The following EIF4G3 variants were observed in gnomAD, a reference collection of about 807,000 sequenced individuals.
EIF4G3 encodes eIF-4-gamma 3.
Under a neutral mutation model 186.4 loss-of-function variants are expected in EIF4G3, and 34 were observed. That is an observed-to-expected ratio of 0.18 (90% CI 0.14 to 0.24). The LOEUF (loss-of-function observed/expected upper bound fraction) is 0.24, where lower values mean the gene tolerates loss of function less well. Ranked by LOEUF, EIF4G3 falls within the 10% of genes least tolerant of loss-of-function variation. EIF4G3 has a pLI of 1.00. For missense variants in EIF4G3, 1,536 were observed against 1,948.5 expected (o/e 0.79, Z 3.99); for synonymous variants, 673 against 679.5 (o/e 0.99, Z 0.15).
chr1:20,883,422 T>C lies in EIF4G3; in HGVS notation c.2424+2779A>G, dbSNP rs1034028383. Among the ~76,000 whole-genome samples the C allele has an allele frequency of 5.3e-5, 8 of 151,808 alleles. No homozygotes were observed. In the South Asian group the frequency reaches 1.2e-3, roughly 24 times the overall value. On this transcript the variant is annotated intron_variant, in intron 19 of 36. Transcript: ENST00000602326. ...TCACGAGTTCAGGAGATAGAGACCA[T>C]CCTGGCTTACACGGTGAAACCTGGT...
At chr1:21,060,702 C>T (rs1005926185) in intron 3 of EIF4G3, among the ~76,000 whole-genome samples, 13 of 147,652 alleles carry the variant, frequency 8.8e-5, no homozygotes, top group African/African-American at 2.7e-4. Flanking sequence ...AACAGTTCGG[C>T]GCTGTAAGGC....
intron 33 of EIF4G3, among the ~76,000 whole-genome samples, chr1:20,818,117 G>A (rs2061506901): frequency 6.6e-6 from 1 of 152,044 alleles, no homozygotes; most frequent in Non-Finnish European, 1.5e-5. Context: ...ATAATCTTGA[G>A]CTTCAATCTT....
At chr1:20,853,734 A>G in intron 26 of EIF4G3, 57 bp from the exon 27 acceptor site, 1 of 1,314,238 alleles carries the variant, frequency 7.6e-7, no homozygotes, top group Non-Finnish European at 1.1e-6. Context: ...AATGCAAATA[A>G]TCAGTCATCT....
intron 2 of EIF4G3, among the ~76,000 whole-genome samples, chr1:21,118,191 T>C (rs1418235062): frequency 6.6e-6 from 1 of 152,198 alleles, no homozygotes; most frequent in African/African-American, 2.4e-5. Flanking sequence ...TAACAGTTCA[T>C]TGTCTCACTA....
rs540049329 is a variant in EIF4G3 at position 20,810,764 on chromosome 1, G to A, written c.4718C>T (p.Ser1573Leu). 2 of 1,613,812 alleles carry A rather than the reference G, an allele frequency of 1.2e-6. No individual in the cohort carries two copies. Among genetic ancestry groups the A allele is most frequent in the South Asian group, 1.1e-5 (1 of 91,072 alleles). ...ELQALYALQA[S>L]IVKLDQPANL... ...GGCAGGTTGATCAAGTTTTACTATC[G>A]ATGCTTGTAGTGCATAAAGTGCTTG... The change falls in exon 36 of 37, where the codon TCG (serine) becomes TTG (leucine). Residue 1573 changes from serine to leucine, a missense_variant. This residue lies in a region of EIF4G3 where 45 missense variants were observed against 99.1 expected (regional missense o/e 0.45). Transcript: ENST00000602326. The surrounding 1 kb of genome is among the most constrained non-coding windows in gnomAD (Gnocchi z 4.1).
In EIF4G3 at chr1:21,002,723, G is replaced by A; in HGVS notation, c.20C>T (p.Thr7Ile). Residue 7 changes from threonine (T) to isoleucine (I), a missense_variant, in exon 5 of 37, where the codon ACC becomes ATC. By Grantham distance (89) the Thr-to-Ile change is moderately conservative (BLOSUM62 -1). Around this residue, in one of 11 missense-constraint regions of EIF4G3, gnomAD observed 194 missense variants for 212.8 expected, o/e 0.91. Coordinates refer to ENST00000602326, the MANE Select transcript of EIF4G3 (RefSeq NM_001391906.1). ...CTTCTGCTTACTTACCGGAGAACGGGTTTGAGGTTGTGAATTCATTGTCTG... is the reference window on the plus strand; with the variant it reads ...CTTCTGCTTACTTACCGGAGAACGGATTTGAGGTTGTGAATTCATTGTCTG... MNSQPQTRSPPSRTVPI... is the reference protein window; with the variant it reads MNSQPQIRSPPSRTVPI... The A allele has an allele frequency of 6.2e-7, 1 of 1,613,584 alleles. No individual in the cohort carries two copies. Among genetic ancestry groups the A allele is most frequent in the Non-Finnish European group, 8.5e-7 (1 of 1,179,736 alleles).
intron 36 of EIF4G3, among the ~76,000 whole-genome samples, chr1:20,808,488 T>G (rs540253847): frequency 6.6e-6 from 1 of 151,882 alleles, no homozygotes; most frequent in Non-Finnish European, 1.5e-5. Context: ...GAGACCATCC[T>G]GGCTAACACA....
chr1:20,981,349 C>T lies in EIF4G3; in HGVS notation c.199-122G>A, dbSNP rs993945126. ...CAACTTGAATTACAAATACAATATG[C>T]ATAAAAAGAATAAATTACCTATTGC... On this transcript the variant is annotated intron_variant, in intron 8 of 36. Transcript: ENST00000602326. 34 of 707,610 alleles carry T rather than the reference C, an allele frequency of 4.8e-5. 1 individual carries two copies. Among genetic ancestry groups the T allele is most frequent in the Non-Finnish European group, 6.4e-5 (29 of 450,548 alleles). 43.8% of individuals were successfully genotyped at this position (707,610 alleles called of 1,614,324 possible). A position where few individuals can be genotyped will look rare whatever the true frequency, so the allele number is the denominator to read the frequency against.
At position 20,866,517 on chromosome 1, in the gene EIF4G3, C is replaced by T. The variant is rs79642503; in HGVS notation, c.2623-1255G>A. ...CTGTATCCTTAACTCCAAATTTAGG[C>T]TACATAAATGCAAGCAACTATAGAT... is the stretch of plus-strand genomic sequence containing the variant. On this transcript the variant is annotated intron_variant, in intron 20 of 36. Coordinates refer to ENST00000602326, the MANE Select transcript of EIF4G3 (RefSeq NM_001391906.1). Among the ~76,000 whole-genome samples the T allele has an allele frequency of 1.3e-3, 204 of 152,250 alleles. 4 individuals carry two copies. The East Asian group carries it at 0.018, about 13-fold the overall frequency.
chr1:21,156,974 C>G lies in EIF4G3; in HGVS notation c.-272+19201G>C, dbSNP rs117179446. Among the ~76,000 whole-genome samples the G allele has an allele frequency of 1.8e-3, 267 of 152,174 alleles. 9 individuals carry two copies. In the East Asian group the frequency reaches 0.046, roughly 26 times the overall value. On this transcript the variant is annotated intron_variant, in intron 2 of 36. Coordinates refer to ENST00000602326, the MANE Select transcript of EIF4G3 (RefSeq NM_001391906.1). ...TTGGGAGGTTGAGGCAGAAGTACTG[C>G]GTGAGCCTGAGAGGTCGAGGCTGCA...
chr1:21,089,454 A>G (rs1328773616), intron 2 of EIF4G3, among the ~76,000 whole-genome samples: 1 of 152,172 alleles, frequency 6.6e-6, no homozygotes, highest in Non-Finnish European at 1.5e-5. Context: ...CAACTATACA[A>G]TAAGTGTCCA....
Position 20,835,694 on chromosome 1 carries a change from C to A in EIF4G3, c.4061+5162G>T, listed in dbSNP as rs141299238. Among the ~76,000 whole-genome samples the A allele has an allele frequency of 4.9e-3, 743 of 152,196 alleles. 6 individuals carry two copies. The highest frequency in any genetic ancestry group is 0.017 in the African/African-American group (708 of 41,506). ...CTGCCTTAAACCTGTAATCCCAGCA[C>A]TTTGAGAGGCCAAGGTGGAAGGATC... is the stretch of plus-strand genomic sequence containing the variant. On this transcript the variant is annotated intron_variant, in intron 30 of 36. Coordinates refer to ENST00000602326, the MANE Select transcript of EIF4G3 (RefSeq NM_001391906.1).
At chr1:20,985,058 T>C (rs1015931555) in intron 7 of EIF4G3, among the ~76,000 whole-genome samples, 1 of 152,190 alleles carries the variant, frequency 6.6e-6, no homozygotes, top group Non-Finnish European at 1.5e-5. Flanking sequence ...CTTTTAACTG[T>C]TACACATATT....
chr1:20,858,334 T>C (rs1388583534), intron 24 of EIF4G3, among the ~76,000 whole-genome samples: 1 of 152,222 alleles, frequency 6.6e-6, no homozygotes, highest in African/African-American at 2.4e-5. Context: ...TCAGCTGCAC[T>C]GGCCCCCTTG....
chr1:20,845,414 G>A (rs1158468081), intron 29 of EIF4G3, among the ~76,000 whole-genome samples: 3 of 152,198 alleles, frequency 2.0e-5, no homozygotes, highest in Non-Finnish European at 4.4e-5. Flanking sequence ...TGTAATCCCA[G>A]CACTTTGGGA....
intron 33 of EIF4G3, among the ~76,000 whole-genome samples, chr1:20,824,724 T>C (rs561517356): frequency 1.3e-5 from 2 of 152,318 alleles, no homozygotes; most frequent in South Asian, 4.1e-4. Flanking sequence ...TCTAATCTTC[T>C]ACCTTATAAG....
chr1:20,829,412 AAAT>A (rs756741422), intron 30 of EIF4G3, 140 bp from the exon 31 acceptor site: 11 of 905,956 alleles, frequency 1.2e-5, no homozygotes, highest in Non-Finnish European at 1.9e-5. Flanking sequence ...AGTGACTGGT[AAAT>A]ACATTACCAT....
intron 2 of EIF4G3, among the ~76,000 whole-genome samples, chr1:21,130,216 CTTTTTTTTTTTTTTT>C (rs71014159): frequency 1.3e-5 from 1 of 75,346 alleles, no homozygotes; most frequent in African/African-American, 5.3e-5. Flanking sequence ...GACCCCATCT[CTTTTTTTTTTTTTTT>C]TTTTTTTTTT....
intron 2 of EIF4G3, among the ~76,000 whole-genome samples, chr1:21,119,293 T>C (rs967941021): frequency 1.4e-4 from 22 of 152,004 alleles, no homozygotes; most frequent in Admixed American, 1.3e-3. Flanking sequence ...GAGATAATCT[T>C]ATGAAATGAA....
Sources: allele counts gnomAD v4.1 joint callset (sites outside exome capture counted in the v4.1 genomes callset), GRCh38; gene constraint gnomAD v4.1.1; regional missense constraint gnomAD v4.1.1; non-coding constraint Gnocchi (gnomAD v3.1); transcripts MANE v1.5; gene names NCBI Gene and HGNC (gene_info 2026-07-23, HGNC 2026-07-21).